FBXO34: variants seen among roughly 807,000 people sequenced by gnomAD.
FBXO34 encodes F-box protein 34.
A neutral mutation model predicts 24.5 loss-of-function variants in FBXO34; 12 were observed. The observed-to-expected ratio is 0.49, with a 90% CI of 0.31 to 0.79. The LOEUF (loss-of-function observed/expected upper bound fraction) is 0.79. FBXO34 is among the 30% of genes least tolerant of loss of function. FBXO34 has a pLI of 0.04. For synonymous variants in FBXO34, 320 were observed against 311.9 expected (o/e 1.03, Z -0.27); for missense variants, 823 against 857.7 (o/e 0.96, Z 0.51).
the FBXO34 span, among the ~76,000 whole-genome samples, chr14:55,413,041 C>T: frequency 6.6e-6 from 1 of 152,188 alleles, no homozygotes; most frequent in African/African-American, 2.4e-5. Flanking sequence ...CTTACCCAGT[C>T]TTTTTAAATA....
intron 1 of FBXO34, among the ~76,000 whole-genome samples, chr14:55,326,656 G>T (rs1220557899): frequency 6.6e-6 from 1 of 152,184 alleles, no homozygotes; most frequent in Non-Finnish European, 1.5e-5. Flanking sequence ...CTTAGCTTAT[G>T]AATAGAATTT....
At chr14:55,338,112 C>T (rs569866005) in intron 1 of FBXO34, among the ~76,000 whole-genome samples, 5 of 136,782 alleles carry the variant, frequency 3.7e-5, no homozygotes, top group South Asian at 4.7e-4. Flanking sequence ...TGCAGTGGCA[C>T]GATCTCAGCT....
chr14:55,339,081 C>T (rs1049119174), intron 1 of FBXO34, among the ~76,000 whole-genome samples: 31 of 152,234 alleles, frequency 2.0e-4, no homozygotes, highest in Admixed American at 1.7e-3. Flanking sequence ...TGTGAAAATA[C>T]ACTCTGACTC....
intron 1 of FBXO34, among the ~76,000 whole-genome samples, chr14:55,329,062 T>G (rs374266773): frequency 2.6e-5 from 4 of 151,408 alleles, no homozygotes; most frequent in African/African-American, 9.7e-5. Flanking sequence ...TTGTACTTAA[T>G]GAGAAGTTCC....
intron 1 of FBXO34, among the ~76,000 whole-genome samples, chr14:55,312,179 GAC>G: frequency 6.6e-6 from 1 of 152,112 alleles, no homozygotes; most frequent in Middle Eastern, 3.4e-3. Context: ...CAGCCTGGGA[GAC>G]ACAGTGTGAG....
intron 1 of FBXO34, among the ~76,000 whole-genome samples, chr14:55,327,539 T>A (rs1883379040): frequency 6.6e-6 from 1 of 152,150 alleles, no homozygotes; most frequent in South Asian, 2.1e-4. Context: ...ATATGTGGTT[T>A]GTGAGAGGAA....
intron 1 of FBXO34, among the ~76,000 whole-genome samples, chr14:55,293,879 A>G (rs1882031168): frequency 6.6e-6 from 1 of 150,660 alleles, no homozygotes; most frequent in African/African-American, 2.4e-5. Context: ...GTGTGTGTGG[A>G]GAGAGGGATA....
the FBXO34 span, among the ~76,000 whole-genome samples, chr14:55,440,900 C>G: frequency 6.6e-6 from 1 of 152,186 alleles, no homozygotes; most frequent in African/African-American, 2.4e-5. Context: ...CCCACTCTTT[C>G]GCCCAGTGCC....
At chr14:55,376,622 T>C in the FBXO34 span, among the ~76,000 whole-genome samples, 7 of 152,288 alleles carry the variant, frequency 4.6e-5, 1 homozygote, top group Admixed American at 3.9e-4. Flanking sequence ...GAAAGTTAAC[T>C]GCTGCATGGG....
chr14:55,341,135 A>C (rs1030491577), intron 1 of FBXO34, among the ~76,000 whole-genome samples: 4 of 152,194 alleles, frequency 2.6e-5, no homozygotes, highest in African/African-American at 9.7e-5. Context: ...CTCCAAATAC[A>C]TCATGGGCAA....
the FBXO34 span, among the ~76,000 whole-genome samples, chr14:55,405,009 A>C: frequency 6.6e-6 from 1 of 152,256 alleles, no homozygotes; most frequent in Non-Finnish European, 1.5e-5. Context: ...CAGTGATACT[A>C]GCTGAAAATA....
At chr14:55,396,767 G>A in the FBXO34 span, among the ~76,000 whole-genome samples, 1 of 152,098 alleles carries the variant, frequency 6.6e-6, no homozygotes, top group Admixed American at 6.5e-5. Context: ...ATACCAGAAG[G>A]TTCTATAGGA....
the FBXO34 span, chr14:55,382,101 G>A: frequency 1.2e-6 from 2 of 1,614,106 alleles, no homozygotes; most frequent in South Asian, 2.2e-5. Flanking sequence ...ATCGTCCTGA[G>A]AGGTAAGTTG....
intron 1 of FBXO34, among the ~76,000 whole-genome samples, chr14:55,279,021 G>T (rs1189402109): frequency 6.6e-6 from 1 of 152,134 alleles, no homozygotes; most frequent in East Asian, 1.9e-4. Flanking sequence ...TGAAGGCCGG[G>T]CGTGGTGGCT....
chr14:55,426,046 C>T, the FBXO34 span, among the ~76,000 whole-genome samples: 5 of 152,098 alleles, frequency 3.3e-5, no homozygotes, highest in South Asian at 4.2e-4. Context: ...GTGGGTGGAT[C>T]GCCTGAGGTC....
intron 1 of FBXO34, among the ~76,000 whole-genome samples, chr14:55,348,408 T>G (rs114245204): frequency 0.014 from 2,152 of 152,278 alleles, 58 homozygotes; most frequent in African/African-American, 0.049. Flanking sequence ...AAAAAAAAAT[T>G]TTTTTTAGAG....
At chr14:55,388,189 A>G in the FBXO34 span, among the ~76,000 whole-genome samples, 64 of 152,286 alleles carry the variant, frequency 4.2e-4, 3 homozygotes, top group South Asian at 0.011. Flanking sequence ...TGAATGTCCT[A>G]AAGGTTCAGT....
At chr14:55,308,151 C>G (rs1882616709) in intron 1 of FBXO34, among the ~76,000 whole-genome samples, 1 of 152,194 alleles carries the variant, frequency 6.6e-6, no homozygotes, top group Non-Finnish European at 1.5e-5. Flanking sequence ...CGAGAACAGA[C>G]TAATACAGAG....
the FBXO34 span, chr14:55,380,631 G>T: frequency 2.5e-6 from 4 of 1,613,114 alleles, no homozygotes; most frequent in Non-Finnish European, 3.4e-6. Flanking sequence ...ATGTTGACCA[G>T]CTGAGTTGCA....
Sources: allele counts gnomAD v4.1 joint callset (sites outside exome capture counted in the v4.1 genomes callset), GRCh38; gene constraint gnomAD v4.1.1; transcripts MANE v1.5; gene names NCBI Gene and HGNC (gene_info 2026-07-23, HGNC 2026-07-21).